NR6A1: variants seen among roughly 807,000 people sequenced by gnomAD.
The protein encoded by NR6A1 is retinoic acid receptor-related testis-associated receptor.
In NR6A1, 7 loss-of-function variants were observed where a neutral mutation model predicts 59.1. That is an observed-to-expected ratio of 0.12 (90% CI 0.07 to 0.22). NR6A1 has a LOEUF of 0.22. Ranked by LOEUF, NR6A1 falls within the 10% of genes least tolerant of loss-of-function variation. The pLI is 1.00. For synonymous variants in NR6A1, 243 were observed against 236.1 expected (o/e 1.03, Z -0.27); for missense variants, 468 against 611.6 (o/e 0.77, Z 2.48).
At chr9:124,714,555 C>T (rs573824217) in intron 2 of NR6A1, among the ~76,000 whole-genome samples, 2 of 152,032 alleles carry the variant, frequency 1.3e-5, no homozygotes, top group South Asian at 4.2e-4. Context: ...TTAGCCAGTG[C>T]AATAAGAAAA....
chr9:124,732,517 G>T (rs909027594), intron 2 of NR6A1, among the ~76,000 whole-genome samples: 1 of 152,228 alleles, frequency 6.6e-6, no homozygotes, highest in African/African-American at 2.4e-5. Flanking sequence ...CCTTGAAATG[G>T]TAACTCTCAT....
At chr9:124,559,280 T>C (rs1834013588) in intron 2 of NR6A1, among the ~76,000 whole-genome samples, 1 of 152,194 alleles carries the variant, frequency 6.6e-6, no homozygotes, top group South Asian at 2.1e-4. Context: ...TACTCTTACT[T>C]GCACATCTCT....
At chr9:124,716,622 ATTTC>A (rs1450010324) in intron 2 of NR6A1, among the ~76,000 whole-genome samples, 1 of 152,078 alleles carries the variant, frequency 6.6e-6, no homozygotes, top group African/African-American at 2.4e-5. Flanking sequence ...AAACACATGA[ATTTC>A]TTTTTTATTT....
intron 1 of NR6A1, among the ~76,000 whole-genome samples, chr9:124,744,035 T>C (rs1840252473): frequency 6.6e-6 from 1 of 152,194 alleles, no homozygotes; most frequent in African/African-American, 2.4e-5. Flanking sequence ...AAAACCAGCC[T>C]GGGCAATATA....
intron 2 of NR6A1, among the ~76,000 whole-genome samples, chr9:124,586,156 G>C (rs1834925719): frequency 6.6e-6 from 1 of 152,106 alleles, no homozygotes; most frequent in Non-Finnish European, 1.5e-5. Flanking sequence ...CATATCATAA[G>C]GCTATAGCTG....
chr9:124,746,524 G>A (rs1186880032), intron 1 of NR6A1, among the ~76,000 whole-genome samples: 1 of 152,150 alleles, frequency 6.6e-6, no homozygotes, highest in African/African-American at 2.4e-5. Flanking sequence ...GGGAGGCAAA[G>A]GTTGCAGTGA....
At chr9:124,554,900 G>A (rs905955308) in intron 2 of NR6A1, among the ~76,000 whole-genome samples, 6 of 152,086 alleles carry the variant, frequency 3.9e-5, no homozygotes, top group Admixed American at 6.5e-5. Flanking sequence ...GTAGGAGCAC[G>A]GTAAGGATTA....
At chr9:124,759,587 A>C (rs991993962) in intron 1 of NR6A1, among the ~76,000 whole-genome samples, 2 of 152,208 alleles carry the variant, frequency 1.3e-5, no homozygotes, top group South Asian at 2.1e-4. Context: ...CATTCATTCA[A>C]TATTCATGGA....
chr9:124,703,085 A>G (rs1047425227), intron 2 of NR6A1, among the ~76,000 whole-genome samples: 3 of 151,916 alleles, frequency 2.0e-5, no homozygotes, highest in Non-Finnish European at 4.4e-5. Flanking sequence ...TTGTATTCTT[A>G]GTAGAAACAG....
intron 2 of NR6A1, among the ~76,000 whole-genome samples, chr9:124,623,897 T>A (rs1480796311): frequency 6.6e-6 from 1 of 152,180 alleles, no homozygotes; most frequent in African/African-American, 2.4e-5. Context: ...TCTCCACACT[T>A]TTTCTTCTAC....
intron 8 of NR6A1, among the ~76,000 whole-genome samples, chr9:124,526,239 T>C (rs1400813853): frequency 6.6e-6 from 1 of 152,142 alleles, no homozygotes; most frequent in African/African-American, 2.4e-5. Context: ...ATAAATCACA[T>C]CTGGCATTCT....
intron 2 of NR6A1, among the ~76,000 whole-genome samples, chr9:124,559,848 T>A (rs1834031699): frequency 6.6e-6 from 1 of 152,222 alleles, no homozygotes; most frequent in Admixed American, 6.5e-5. Flanking sequence ...TTAGTCTTAA[T>A]GAATTATATA....
In NR6A1 at chr9:124,666,275, C is replaced by CTTTTTTTTTTTTTTTTTTTTTTTTTT. The variant is rs922378385; in HGVS notation, c.142+67032_142+67033insAAAAAAAAAAAAAAAAAAAAAAAAAA. ...TTGGCGGAATTACCTCTATGTGGTT[C>CTTTTTTTTTTTTTTTTTTTTTTTTTT]TTTTTTTTTTTTTTTTTTTTTGAGA... On this transcript the variant is annotated intron_variant, in intron 2 of 9. Transcript: ENST00000487099. Among the ~76,000 whole-genome samples the CTTTTTTTTTTTTTTTTTTTTTTTTTT allele has an allele frequency of 2.1e-4, 22 of 103,050 alleles. 5 individuals are homozygous for CTTTTTTTTTTTTTTTTTTTTTTTTTT. Among genetic ancestry groups the CTTTTTTTTTTTTTTTTTTTTTTTTTT allele is most frequent in the African/African-American group, 8.3e-4 (19 of 23,010 alleles). The allele number at this position is 103,050 out of a possible 152,430, so 67.6% of individuals were successfully genotyped here.
chr9:124,716,848 A>G (rs1839428363), intron 2 of NR6A1, among the ~76,000 whole-genome samples: 1 of 152,030 alleles, frequency 6.6e-6, no homozygotes, highest in Non-Finnish European at 1.5e-5. Context: ...CCTTGCCCAC[A>G]CTGGTCTCGA....
At chr9:124,617,484 A>G (rs1185454755) in intron 2 of NR6A1, among the ~76,000 whole-genome samples, 1 of 152,256 alleles carries the variant, frequency 6.6e-6, no homozygotes, top group Non-Finnish European at 1.5e-5. Context: ...ATAATGCTAC[A>G]GGGAAAGTTT....
chr9:124,619,716 T>G (rs191562896), intron 2 of NR6A1, among the ~76,000 whole-genome samples: 1 of 152,098 alleles, frequency 6.6e-6, no homozygotes, highest in Non-Finnish European at 1.5e-5. Context: ...ATCTGTAAAA[T>G]AGGGAGGGGG....
At chr9:124,689,414 G>T (rs969038778) in intron 2 of NR6A1, among the ~76,000 whole-genome samples, 1 of 151,814 alleles carries the variant, frequency 6.6e-6, no homozygotes, top group African/African-American at 2.4e-5. Flanking sequence ...ATTTTAAAGG[G>T]AAAAAAAGCA....
rs180976776 is a variant in NR6A1, at chr9:124,684,128, A to T, written c.142+49180T>A. Among the ~76,000 whole-genome samples, 13 of 152,308 alleles carry T rather than the reference A, an allele frequency of 8.5e-5. 1 individual carries two copies. The highest frequency in any genetic ancestry group is 7.8e-4 in the Admixed American group (12 of 15,304). The stretch of plus-strand genomic sequence containing the variant: ...GACAACAGCAAGAAAACAAGCAAAT[A>T]GGGAGATGTGCTAGGTATGACCAAG... On this transcript the variant is annotated intron_variant, in intron 2 of 9. Transcript: ENST00000487099.
intron 2 of NR6A1, among the ~76,000 whole-genome samples, chr9:124,694,552 A>C (rs1838680653): frequency 6.6e-6 from 1 of 152,206 alleles, no homozygotes; most frequent in African/African-American, 2.4e-5. Context: ...AAAACACCTA[A>C]GTGAGATAGA....
Sources: allele counts gnomAD v4.1 joint callset (sites outside exome capture counted in the v4.1 genomes callset), GRCh38; gene constraint gnomAD v4.1.1; transcripts MANE v1.5; gene names NCBI Gene and HGNC (gene_info 2026-07-23, HGNC 2026-07-21).